The following SLC25A26 variants were observed in gnomAD, a reference collection of about 807,000 sequenced individuals.
The protein encoded by SLC25A26 is solute carrier family 25 member 26.
Under a neutral mutation model 37.8 loss-of-function variants are expected in SLC25A26, and 36 were observed. The ratio of observed to expected loss-of-function variants is 0.95; its 90% CI spans 0.73 to 1.26. SLC25A26 has a LOEUF of 1.26. Among genes scored for constraint, SLC25A26 ranks in the 50% most tolerant of loss-of-function variants. The pLI, the probability that SLC25A26 is intolerant of heterozygous loss-of-function variation, is 0.00. For synonymous variants in SLC25A26, 129 were observed against 122.5 expected, an observed-to-expected ratio of 1.05 and a Z score of -0.35; for missense variants, 390 against 331.1, an observed-to-expected ratio of 1.18 and a Z score of -1.38.
chr3:66,166,962 G>A lies in SLC25A26; in HGVS notation c.-354+32978G>A, dbSNP rs539469372. Among the ~76,000 whole-genome samples, 9 of 152,002 alleles carry A rather than the reference G, an allele frequency of 5.9e-5. No homozygotes were observed. In the East Asian group the frequency reaches 1.6e-3, roughly 26 times the overall value. On this transcript the variant is annotated intron_variant, in intron 1 of 10. Coordinates refer to the SLC25A26 transcript ENST00000676754. ...TCTCATGATATTGAATAAGTCTCAC[G>A]AGATCTGATGGTTTTATAAAGGTGA...
At chr3:66,170,171 C>T (rs2070475708) in intron 1 of SLC25A26, among the ~76,000 whole-genome samples, 1 of 152,206 alleles carries the variant, frequency 6.6e-6, no homozygotes, top group Non-Finnish European at 1.5e-5. Flanking sequence ...CTTGAAACTA[C>T]TTAGGTATCT....
chr3:66,150,103 G>A (rs1307621786), intron 1 of SLC25A26, among the ~76,000 whole-genome samples: 1 of 152,096 alleles, frequency 6.6e-6, no homozygotes, highest in Non-Finnish European at 1.5e-5. Flanking sequence ...TCAAAGTCCT[G>A]TCTCAAAGCT....
intron 5 of SLC25A26, among the ~76,000 whole-genome samples, chr3:66,340,111 G>T (rs1287192925): frequency 6.6e-6 from 1 of 151,994 alleles, no homozygotes; most frequent in East Asian, 1.9e-4. Flanking sequence ...TGAAAAGATT[G>T]TCCTTTCGCT....
intron 5 of SLC25A26, among the ~76,000 whole-genome samples, chr3:66,344,965 A>G (rs2076287072): frequency 6.6e-6 from 1 of 152,182 alleles, no homozygotes; most frequent in African/African-American, 2.4e-5. Context: ...CAACTATAAA[A>G]TGAAGGAAGT....
intron 3 of SLC25A26, among the ~76,000 whole-genome samples, chr3:66,261,803 C>A (rs73129910): frequency 6.6e-6 from 1 of 151,788 alleles, no homozygotes. Flanking sequence ...GACAGATGTT[C>A]TTGGAACATC....
At chr3:66,172,018 A>C (rs2070506784) in intron 1 of SLC25A26, among the ~76,000 whole-genome samples, 1 of 152,162 alleles carries the variant, frequency 6.6e-6, no homozygotes, top group South Asian at 2.1e-4. Context: ...TTATTCCATC[A>C]ACATCCTGCG....
chr3:66,349,230 TTC>T (rs907883800), intron 6 of SLC25A26, among the ~76,000 whole-genome samples: 23 of 152,344 alleles, frequency 1.5e-4, no homozygotes, highest in African/African-American at 4.6e-4. Context: ...CCATTTTTTT[TTC>T]TGTCAAGTCG....
At chr3:66,145,478 TAGTTACA>T (rs1236639499) in intron 1 of SLC25A26, among the ~76,000 whole-genome samples, 2 of 152,352 alleles carry the variant, frequency 1.3e-5, no homozygotes, top group East Asian at 3.9e-4. Context: ...CAAGGGAGTC[TAGTTACA>T]AGATAATTCT....
chr3:66,141,681 T>A (rs2070037565), intron 1 of SLC25A26, among the ~76,000 whole-genome samples: 1 of 152,054 alleles, frequency 6.6e-6, no homozygotes, highest in Non-Finnish European at 1.5e-5. Context: ...CCCAGCTGAT[T>A]TTTGTATTTT....
intron 1 of SLC25A26, among the ~76,000 whole-genome samples, chr3:66,185,189 A>T (rs1480281257): frequency 6.6e-6 from 1 of 152,214 alleles, no homozygotes; most frequent in Admixed American, 6.5e-5. Flanking sequence ...ATCTAAGTAT[A>T]TAGGTGGAAT....
intron 5 of SLC25A26, among the ~76,000 whole-genome samples, chr3:66,333,566 G>A (rs2107688470): frequency 6.6e-6 from 1 of 152,192 alleles, no homozygotes; most frequent in Middle Eastern, 3.4e-3. Flanking sequence ...GTTTGATTTG[G>A]GGTTTATTCC....
At chr3:66,356,250 C>T (rs1449237565) in intron 6 of SLC25A26, among the ~76,000 whole-genome samples, 2 of 152,180 alleles carry the variant, frequency 1.3e-5, no homozygotes, top group Non-Finnish European at 2.9e-5. Context: ...CCAGCCACTT[C>T]ATAGTATTGT....
chr3:66,149,607 G>A (rs1426546425), intron 1 of SLC25A26, among the ~76,000 whole-genome samples: 1 of 152,094 alleles, frequency 6.6e-6, no homozygotes, highest in Admixed American at 6.6e-5. Flanking sequence ...ACCCTTAGAA[G>A]AAAATAACAT....
At chr3:66,165,710 A>G (rs1053731288) in intron 1 of SLC25A26, among the ~76,000 whole-genome samples, 2 of 152,194 alleles carry the variant, frequency 1.3e-5, no homozygotes, top group African/African-American at 4.8e-5. Flanking sequence ...AATAACCTAT[A>G]TACTGTGATA....
chr3:66,143,021 C>A (rs938557146), intron 1 of SLC25A26, among the ~76,000 whole-genome samples: 14 of 152,278 alleles, frequency 9.2e-5, no homozygotes, highest in Non-Finnish European at 2.1e-4. Context: ...CCTGCCTCAG[C>A]CTCCCAAAGT....
intron 5 of SLC25A26, among the ~76,000 whole-genome samples, chr3:66,331,526 T>G (rs1308864812): frequency 6.6e-6 from 1 of 152,220 alleles, no homozygotes; most frequent in Admixed American, 6.5e-5. Flanking sequence ...AAACAGAATA[T>G]AGATAGGTCT....
At chr3:66,222,220 GC>G (rs1292622572) in intron 1 of SLC25A26, among the ~76,000 whole-genome samples, 1 of 144,090 alleles carries the variant, frequency 6.9e-6, no homozygotes, top group African/African-American at 2.6e-5. Flanking sequence ...CTCACTCTTC[GC>G]CCAGGCTGGA....
At chr3:66,179,362 T>C (rs555814794) in intron 1 of SLC25A26, among the ~76,000 whole-genome samples, 2 of 152,242 alleles carry the variant, frequency 1.3e-5, no homozygotes, top group Non-Finnish European at 2.9e-5. Context: ...TTAGTCTTGC[T>C]GTATCTTCAG....
At chr3:66,257,600 T>G (rs2073354563) in intron 3 of SLC25A26, among the ~76,000 whole-genome samples, 1 of 152,188 alleles carries the variant, frequency 6.6e-6, no homozygotes, top group African/African-American at 2.4e-5. Context: ...ACTCTACCTT[T>G]TTTCATTTCC....
Sources: gnomAD v4.1 joint callset for allele counts (sites outside exome capture counted in the v4.1 genomes callset) on GRCh38, gnomAD v4.1.1 for gene constraint, MANE v1.5 for transcripts, NCBI Gene and HGNC (gene_info 2026-07-23, HGNC 2026-07-21) for gene names.